ZNF652: variants seen among roughly 807,000 people sequenced by gnomAD.
The protein encoded by ZNF652 is zinc finger protein 652.
ZNF652 carries 16 observed loss-of-function variants against 45.2 expected under a neutral mutation model. The observed-to-expected ratio is 0.35, with a 90% CI of 0.24 to 0.54. The LOEUF is 0.54. Ranked by LOEUF, ZNF652 falls within the 20% of genes least tolerant of loss-of-function variation. The probability of loss-of-function intolerance (pLI) is 0.91; values close to 1 mark genes in which losing one functional copy is unlikely to be tolerated. For missense variants in ZNF652, 614 were observed against 765.6 expected (o/e 0.80, Z 2.34); for synonymous variants, 250 against 260.6 (o/e 0.96, Z 0.39).
In ZNF652 at chr17:49,353,602, G is replaced by A. The variant is rs528954315; in HGVS notation, c.-259+8307C>T. ...TTTGTTAAGCACTATATAGGGCAGTGTTTTTTTCAAAGTGCCCATACCAAC... is the reference window on the plus strand; with the variant it reads ...TTTGTTAAGCACTATATAGGGCAGTATTTTTTTCAAAGTGCCCATACCAAC... On this transcript the variant is annotated intron_variant, in intron 1 of 5. Coordinates refer to ENST00000430262, the MANE Select transcript of ZNF652 (RefSeq NM_001145365.3). Among the ~76,000 whole-genome samples the A allele has an allele frequency of 3.3e-5, 5 of 152,074 alleles. No homozygotes were observed. The South Asian group carries it at 1.0e-3, about 32-fold the overall frequency.
chr17:49,312,159 CTTTTT>C (rs34553823), intron 3 of ZNF652, 117 bp from the exon 4 acceptor site: 574 of 138,736 alleles, frequency 4.1e-3, no homozygotes, highest in South Asian at 9.1e-3. Flanking sequence ...ATTTGTGAGG[CTTTTT>C]TTTTTTTTTT....
At chr17:49,306,342 T>C (rs540630817) in intron 5 of ZNF652, among the ~76,000 whole-genome samples, 34 of 152,386 alleles carry the variant, frequency 2.2e-4, no homozygotes, top group African/African-American at 8.2e-4. Context: ...CACTCTTACT[T>C]AGTAATTAAA....
rs2069834023 is a variant in ZNF652 at position 49,317,955 on chromosome 17, G to C, written c.-230C>G. ...GCACTAGTGATTTTTCTTCTGAAGA[G>C]AGCTGCAAGGGACTTGGGAGCATCT... On this transcript the variant is annotated 5_prime_UTR_variant, in exon 2 of 6. Coordinates refer to ENST00000430262, the MANE Select transcript of ZNF652 (RefSeq NM_001145365.3). 2.4e-6 allele frequency: 1 copy of C among 425,382 alleles called. No individual in the cohort carries two copies. Among genetic ancestry groups the C allele is most frequent in the Non-Finnish European group, 4.1e-6 (1 of 244,496 alleles). 26.4% of individuals were successfully genotyped at this position (425,382 alleles called of 1,614,324 possible).
intron 1 of ZNF652, among the ~76,000 whole-genome samples, chr17:49,326,482 A>G (rs1444106787): frequency 6.6e-6 from 1 of 152,180 alleles, no homozygotes; most frequent in African/African-American, 2.4e-5. Flanking sequence ...CTAAGGGGGT[A>G]TATCCCCCAT....
chr17:49,304,631 A>G (rs900443145), intron 5 of ZNF652, among the ~76,000 whole-genome samples: 4 of 152,198 alleles, frequency 2.6e-5, no homozygotes, highest in Non-Finnish European at 5.9e-5. Flanking sequence ...AAAAGCATGT[A>G]TATTAATATA....
Position 49,298,473 on chromosome 17 carries a change from C to T in ZNF652, c.1761G>A (p.Gln587=). ...GGTGCCGCAGAAAGTTGTCCTCACT[C>T]TGGCCTCTATGATTTAAAGGCTCAC... The part of the protein sequence containing the change: ...FKSEPLNHRG[Q]SEDNFLRHLA... Residue 587 remains glutamine, a synonymous_variant, in exon 6 of 6, where the codon CAG becomes CAA. Coordinates refer to ENST00000430262, the MANE Select transcript of ZNF652 (RefSeq NM_001145365.3). 2 of 1,613,084 alleles carry T rather than the reference C, an allele frequency of 1.2e-6. No individual in the cohort carries two copies. Among genetic ancestry groups the T allele is most frequent in the Non-Finnish European group, 1.7e-6 (2 of 1,180,010 alleles).
intron 1 of ZNF652, among the ~76,000 whole-genome samples, chr17:49,345,697 C>T (rs1257283641): frequency 6.6e-6 from 1 of 150,886 alleles, no homozygotes; most frequent in Admixed American, 6.6e-5. Flanking sequence ...AAAAATTAGC[C>T]GGGCGTGGTG....
intron 5 of ZNF652, among the ~76,000 whole-genome samples, chr17:49,304,447 G>T (rs2069599848): frequency 6.6e-6 from 1 of 152,038 alleles, no homozygotes; most frequent in African/African-American, 2.4e-5. Flanking sequence ...TTTAATGGTT[G>T]ATATTAAGGT....
intron 1 of ZNF652, among the ~76,000 whole-genome samples, chr17:49,325,700 G>A (rs2069949375): frequency 6.6e-6 from 1 of 151,888 alleles, no homozygotes; most frequent in Non-Finnish European, 1.5e-5. Context: ...CTGCATGCCC[G>A]TGGTCCCAGC....
intron 1 of ZNF652, among the ~76,000 whole-genome samples, chr17:49,334,517 GC>G (rs2070059678): frequency 6.6e-6 from 1 of 152,004 alleles, no homozygotes; most frequent in African/African-American, 2.4e-5. Flanking sequence ...GGTGACTTAG[GC>G]CTGTAATCCC....
intron 5 of ZNF652, among the ~76,000 whole-genome samples, chr17:49,304,068 T>TATTA (rs1555625479): frequency 6.9e-6 from 1 of 144,588 alleles, no homozygotes; most frequent in African/African-American, 2.5e-5. Context: ...TTTTTTTTTT[T>TATTA]TTTTTGTATT....
chr17:49,299,017 T>C (rs1019977997), intron 5 of ZNF652, 93 bp from the exon 6 acceptor site: 8 of 1,336,062 alleles, frequency 6.0e-6, no homozygotes, highest in African/African-American at 4.4e-5. Context: ...GGTCTCACTA[T>C]GTTGATCAGG....
At chr17:49,303,965 T>C (rs544680623) in intron 5 of ZNF652, among the ~76,000 whole-genome samples, 2 of 151,918 alleles carry the variant, frequency 1.3e-5, no homozygotes, top group South Asian at 2.1e-4. Context: ...CTCAGCTCAC[T>C]GCAAGCTCCA....
intron 1 of ZNF652, among the ~76,000 whole-genome samples, chr17:49,329,414 T>A (rs1172264340): frequency 6.6e-6 from 1 of 152,174 alleles, no homozygotes; most frequent in African/African-American, 2.4e-5. Context: ...GCTCACAATA[T>A]CGACCTGTAA....
intron 1 of ZNF652, among the ~76,000 whole-genome samples, chr17:49,333,132 A>C (rs2143854892): frequency 6.6e-6 from 1 of 151,254 alleles, no homozygotes; most frequent in East Asian, 2.0e-4. Context: ...ATCTCAGCTC[A>C]CTGCAAGCTC....
Position 49,291,533 on chromosome 17 carries a change from G to A in ZNF652, c.*6880C>T, listed in dbSNP as rs748375362. On this transcript the variant is annotated 3_prime_UTR_variant, in exon 6 of 6. Coordinates refer to ENST00000430262, the MANE Select transcript of ZNF652 (RefSeq NM_001145365.3). Reference sequence around the variant, plus strand: ...CTGACGTAGTGTGAAAGTAACCTGCGACTGGAAAGCTATGGGAACACTTCT... The same window carrying A: ...CTGACGTAGTGTGAAAGTAACCTGCAACTGGAAAGCTATGGGAACACTTCT... 1 of 152,172 alleles carries A rather than the reference G, an allele frequency of 6.6e-6. No homozygotes were observed. The highest frequency in any genetic ancestry group is 1.5e-5 in the Non-Finnish European group (1 of 68,028). The allele number at this position is 152,172 out of a possible 1,614,324, so 9.4% of individuals were successfully genotyped here. A position where few individuals can be genotyped will look rare whatever the true frequency, so the allele number is the denominator to read the frequency against.
In ZNF652 at chr17:49,317,441, T is replaced by G. The variant is rs2069823683; in HGVS notation, c.285A>C (p.Glu95Asp). ...CTGTGTCATCAGAATTCTCCCGGTCTTCCTTAACAGCATGCACGTCAGACA... is the reference window on the plus strand; with the variant it reads ...CTGTGTCATCAGAATTCTCCCGGTCGTCCTTAACAGCATGCACGTCAGACA... ...RAVSDVHAVK[E>D]DRENSDDTEE... The change falls in exon 2 of 6, where the codon GAA becomes GAC. Residue 95 changes from glutamate (E) to aspartate (D), a missense_variant. Glu to Asp is a conservative substitution (Grantham distance 45). Transcript: ENST00000430262. 4 of 1,614,174 alleles carry G rather than the reference T, an allele frequency of 2.5e-6. No individual in the cohort carries two copies. In the East Asian group the frequency reaches 8.9e-5, roughly 36 times the overall value.
At chr17:49,331,265 G>A (rs1342840892) in intron 1 of ZNF652, among the ~76,000 whole-genome samples, 2 of 151,708 alleles carry the variant, frequency 1.3e-5, no homozygotes, top group East Asian at 2.0e-4. Context: ...GGGACTACAG[G>A]TGCCCGCTAC....
intron 2 of ZNF652, among the ~76,000 whole-genome samples, chr17:49,314,134 CT>C (rs2069763617): frequency 6.6e-6 from 1 of 151,694 alleles, no homozygotes; most frequent in Non-Finnish European, 1.5e-5. Context: ...CCTCTGAACT[CT>C]TAGTATTACT....
Sources: allele counts gnomAD v4.1 joint callset (sites outside exome capture counted in the v4.1 genomes callset), GRCh38; gene constraint gnomAD v4.1.1; transcripts MANE v1.5; gene names NCBI Gene and HGNC (gene_info 2026-07-23, HGNC 2026-07-21).